CTIF: variants seen among roughly 807,000 people sequenced by gnomAD.
CTIF encodes the protein cap binding complex dependent translation initiation factor, also known as CBP80/20-dependent translation initiation factor.
In CTIF, 21 loss-of-function variants were observed where a neutral mutation model predicts 66.0. The observed-to-expected ratio is 0.32, with a 90% CI of 0.23 to 0.46. The LOEUF is 0.46. Ranked by LOEUF, CTIF falls within the 20% of genes least tolerant of loss-of-function variation. CTIF has a pLI of 1.00. For synonymous variants in CTIF, 345 were observed against 326.4 expected (o/e 1.06, Z -0.62); for missense variants, 739 against 812.7 (o/e 0.91, Z 1.10).
In CTIF at chr18:48,765,406, C is replaced by T. The variant is rs139053435; in HGVS notation, c.1371+3717C>T. Among the ~76,000 whole-genome samples, 6 of 152,260 alleles carry T rather than the reference C, an allele frequency of 3.9e-5. No individual in the cohort carries two copies. In the East Asian group the frequency reaches 9.7e-4, roughly 24 times the overall value. On this transcript the variant is annotated intron_variant, in intron 9 of 11. Transcript: ENST00000256413. ...ACTTCCACACACAAGTTCTGGGCCCCGGCTTAGCAATGCAGGCTACAAAGG... is the reference window on the plus strand; with the variant it reads ...ACTTCCACACACAAGTTCTGGGCCCTGGCTTAGCAATGCAGGCTACAAAGG...
intron 7 of CTIF, among the ~76,000 whole-genome samples, chr18:48,722,206 CTTTTT>C (rs34736291): frequency 1.4e-3 from 113 of 81,062 alleles, no homozygotes; most frequent in African/African-American, 5.5e-3. Flanking sequence ...TGGCCCTGTG[CTTTTT>C]TTTTTTTTTT....
chr18:48,721,176 C>A (rs2092331279), intron 7 of CTIF, among the ~76,000 whole-genome samples: 1 of 152,146 alleles, frequency 6.6e-6, no homozygotes, highest in Non-Finnish European at 1.5e-5. Context: ...ACCCCTTAAG[C>A]CCTAAATAGC....
At chr18:48,823,816 TC>T (rs1414293058) in intron 10 of CTIF, among the ~76,000 whole-genome samples, 1 of 152,122 alleles carries the variant, frequency 6.6e-6, no homozygotes, top group African/African-American at 2.4e-5. Flanking sequence ...AACACAAGGA[TC>T]CCCACTCTTA....
At chr18:48,545,181 C>A (rs1809286189) in intron 1 of CTIF, among the ~76,000 whole-genome samples, 1 of 152,150 alleles carries the variant, frequency 6.6e-6, no homozygotes, top group South Asian at 2.1e-4. Flanking sequence ...TAGGAAGGAA[C>A]CGCAAGCAGT....
At chr18:48,852,575 G>A (rs995163573) in intron 10 of CTIF, among the ~76,000 whole-genome samples, 1 of 152,240 alleles carries the variant, frequency 6.6e-6, no homozygotes, top group Non-Finnish European at 1.5e-5. Flanking sequence ...GCACTGACTG[G>A]TGGAAGCCTC....
chr18:48,714,176 C>G (rs1375009652), intron 7 of CTIF, among the ~76,000 whole-genome samples: 1 of 152,216 alleles, frequency 6.6e-6, no homozygotes, highest in Non-Finnish European at 1.5e-5. Context: ...ATAGTAGTAG[C>G]CTTGCTAAGT....
In CTIF at chr18:48,851,023, G is replaced by A. The variant is rs1181765786; in HGVS notation, c.1528-6565G>A. Among the ~76,000 whole-genome samples, 3 of 152,250 alleles carry A rather than the reference G, an allele frequency of 2.0e-5. No homozygotes were observed. The East Asian group carries it at 5.8e-4, about 29-fold the overall frequency. On this transcript the variant is annotated intron_variant, in intron 10 of 11. Coordinates refer to ENST00000256413, the MANE Select transcript of CTIF (RefSeq NM_014772.3). ...CAGGCCGTTTGCAAGAGGGCCTCTC[G>A]CACAATGTGGTTTTTGGCTTCATGC...
chr18:48,737,296 C>G (rs2092511575), intron 7 of CTIF, among the ~76,000 whole-genome samples: 1 of 152,250 alleles, frequency 6.6e-6, no homozygotes, highest in African/African-American at 2.4e-5. Flanking sequence ...TAGAGCCTGA[C>G]TCCTAAGTCT....
intron 10 of CTIF, among the ~76,000 whole-genome samples, chr18:48,852,181 C>T (rs903750843): frequency 3.8e-5 from 5 of 130,570 alleles, no homozygotes; most frequent in Non-Finnish European, 6.2e-5. Context: ...CTATAGTGAG[C>T]TATGATTGTA....
intron 1 of CTIF, among the ~76,000 whole-genome samples, chr18:48,546,254 G>A (rs1487584658): frequency 2.6e-5 from 4 of 152,136 alleles, no homozygotes; most frequent in East Asian, 1.9e-4. Context: ...TTAGGCAAAC[G>A]TCCAGTCTTT....
intron 7 of CTIF, among the ~76,000 whole-genome samples, chr18:48,753,613 G>A (rs969857190): frequency 6.7e-5 from 10 of 149,640 alleles, no homozygotes; most frequent in African/African-American, 2.2e-4. Flanking sequence ...AAAAAAAAAA[G>A]CATTATTTTC....
intron 7 of CTIF, among the ~76,000 whole-genome samples, chr18:48,718,837 T>A (rs1025261031): frequency 6.6e-6 from 1 of 152,140 alleles, no homozygotes; most frequent in African/African-American, 2.4e-5. Flanking sequence ...CATGTAAAGA[T>A]TTCTTTTACT....
chr18:48,855,989 C>T (rs79209111), intron 10 of CTIF, among the ~76,000 whole-genome samples: 1 of 152,128 alleles, frequency 6.6e-6, no homozygotes, highest in Admixed American at 6.6e-5. Context: ...CCCTGAGAGT[C>T]GTGATGATCG....
chr18:48,729,120 T>C (rs2092413603), intron 7 of CTIF, among the ~76,000 whole-genome samples: 1 of 152,138 alleles, frequency 6.6e-6, no homozygotes, highest in Non-Finnish European at 1.5e-5. Flanking sequence ...CCCCTCTCCA[T>C]GGTGGGGCAT....
At chr18:48,608,983 C>T (rs1227274950) in intron 1 of CTIF, among the ~76,000 whole-genome samples, 3 of 152,210 alleles carry the variant, frequency 2.0e-5, no homozygotes, top group Non-Finnish European at 4.4e-5. Context: ...GGGTTCAGAG[C>T]AGGGCACTAT....
At chr18:48,755,757 T>C (rs1203250700) in intron 7 of CTIF, 3 of 152,216 alleles carry the variant, frequency 2.0e-5, no homozygotes, top group Non-Finnish European at 4.4e-5. Context: ...GGGCCCAGGG[T>C]ATGCCTAGTC....
At chr18:48,703,581 T>A (rs1028525800) in intron 6 of CTIF, among the ~76,000 whole-genome samples, 1 of 152,216 alleles carries the variant, frequency 6.6e-6, no homozygotes, top group Non-Finnish European at 1.5e-5. Context: ...GCTTGGATGA[T>A]TTCTATCAGA....
At chr18:48,799,875 G>A (rs994271247) in intron 9 of CTIF, among the ~76,000 whole-genome samples, 22 of 152,372 alleles carry the variant, frequency 1.4e-4, no homozygotes, top group African/African-American at 4.8e-4. Flanking sequence ...CTTGCAATCC[G>A]AGTGGGAGAG....
rs1159122041 is a variant in CTIF at position 48,706,343 on chromosome 18, A to T, written c.508-5276A>T. 3.3e-5 allele frequency among the ~76,000 whole-genome samples: 5 copies of T among 152,118 alleles called. 1 individual carries two copies. Among genetic ancestry groups the T allele is most frequent in the Admixed American group, 3.3e-4 (5 of 15,282 alleles). The stretch of plus-strand genomic sequence containing the variant: ...TGCAGGTGCATGGAGGGATGGGTGG[A>T]TGGAGGCATAGACGGGTGGGTGGCT... On this transcript the variant is annotated intron_variant, in intron 6 of 11. Transcript: ENST00000256413.
Sources: allele counts gnomAD v4.1 joint callset (sites outside exome capture counted in the v4.1 genomes callset), GRCh38; gene constraint gnomAD v4.1.1; transcripts MANE v1.5; gene names NCBI Gene and HGNC (gene_info 2026-07-23, HGNC 2026-07-21).